Variants in SMARCAL1 observed in about 807,000 individuals in gnomAD.
SMARCAL1 encodes the protein ATP-driven annealing helicase.
Under a neutral mutation model 94.5 loss-of-function variants are expected in SMARCAL1, and 58 were observed. The ratio of observed to expected loss-of-function variants is 0.61; its 90% CI spans 0.50 to 0.76. The LOEUF (loss-of-function observed/expected upper bound fraction) is 0.76, where lower values mean the gene tolerates loss of function less well. Among genes scored for constraint, SMARCAL1 ranks in the 30% least tolerant of loss-of-function variants. SMARCAL1 has a pLI of 0.00. For synonymous variants in SMARCAL1, 422 were observed against 455.1 expected (o/e 0.93, Z 0.93); for missense variants, 1,051 against 1,177.9 (o/e 0.89, Z 1.58).
chr2:216,481,878 C>A (rs1174653366), intron 17 of SMARCAL1, among the ~76,000 whole-genome samples: 1 of 152,020 alleles, frequency 6.6e-6, no homozygotes, highest in African/African-American at 2.4e-5. Flanking sequence ...GGAAAATATA[C>A]CTCTAAATTG....
At chr2:216,413,103 G>C (rs1415575878) in intron 1 of SMARCAL1, among the ~76,000 whole-genome samples, 1 of 150,318 alleles carries the variant, frequency 6.7e-6, no homozygotes, top group African/African-American at 2.5e-5. Flanking sequence ...AACTGCTAAT[G>C]GTTGGAGAAG....
chr2:216,469,252 T>G (rs1307264641), intron 14 of SMARCAL1, among the ~76,000 whole-genome samples: 1 of 151,708 alleles, frequency 6.6e-6, no homozygotes, highest in Non-Finnish European at 1.5e-5. Flanking sequence ...GCAACTTACT[T>G]TTTTCTCAGC....
At chr2:216,414,566 A>G (rs945623809) in intron 2 of SMARCAL1, 81 bp from the exon 3 acceptor site, 4 of 781,486 alleles carry the variant, frequency 5.1e-6, no homozygotes, top group South Asian at 3.2e-5. Context: ...TTTCTGGGAC[A>G]AAAGCTTGTT....
intron 8 of SMARCAL1, 144 bp downstream of exon 8, chr2:216,433,012 C>A: frequency 9.6e-7 from 1 of 1,045,116 alleles, no homozygotes; most frequent in South Asian, 1.3e-5. Context: ...AGATGAGATG[C>A]CACCTGAGGG....
chr2:216,450,932 C>A lies in SMARCAL1; in HGVS notation c.1938C>A (p.Leu646=). The A allele has an allele frequency of 6.2e-7, 1 of 1,614,196 alleles. No individual in the cohort carries two copies. Among genetic ancestry groups the A allele is most frequent in the South Asian group, 1.1e-5 (1 of 91,086 alleles). ...LLEEAVMLRR[L]KSDVLSQLPA... ...AGGAAGCAGTCATGCTGCGGCGCCTCAAGTCCGACGTCCTTTCCCAGCTGC... is the reference window on the plus strand; with the variant it reads ...AGGAAGCAGTCATGCTGCGGCGCCTAAAGTCCGACGTCCTTTCCCAGCTGC... Residue 646 remains leucine, a synonymous_variant, in exon 12 of 18, where the codon CTC becomes CTA. Coordinates refer to ENST00000357276, the MANE Select transcript of SMARCAL1 (RefSeq NM_014140.4).
chr2:216,432,441 C>G (rs1693984083), intron 7 of SMARCAL1, among the ~76,000 whole-genome samples: 1 of 152,220 alleles, frequency 6.6e-6, no homozygotes, highest in African/African-American at 2.4e-5. Flanking sequence ...AAACTTCCTT[C>G]TTTGGCCTCC....
intron 4 of SMARCAL1, among the ~76,000 whole-genome samples, chr2:216,419,032 A>G (rs1693660152): frequency 6.6e-6 from 1 of 152,152 alleles, no homozygotes; most frequent in Non-Finnish European, 1.5e-5. Flanking sequence ...CTTGATTTTA[A>G]TTGGCTGCCA....
chr2:216,431,956 G>T (rs1223371527), intron 7 of SMARCAL1, among the ~76,000 whole-genome samples: 2 of 152,072 alleles, frequency 1.3e-5, no homozygotes, highest in Non-Finnish European at 2.9e-5. Context: ...TATGCATACT[G>T]AGTACTCTCT....
At chr2:216,467,749 T>C (rs1347722106) in intron 13 of SMARCAL1, among the ~76,000 whole-genome samples, 195 bp from the exon 14 acceptor site, 1 of 152,172 alleles carries the variant, frequency 6.6e-6, no homozygotes, top group African/African-American at 2.4e-5. Flanking sequence ...GTCCCCTCCC[T>C]AAATGCTTTC....
intron 14 of SMARCAL1, among the ~76,000 whole-genome samples, chr2:216,472,663 A>G (rs908448055): frequency 4.8e-5 from 1 of 20,868 alleles, no homozygotes; most frequent in African/African-American, 1.5e-4. Context: ...TCCCAGTAGG[A>G]AAAAAAAAAA....
rs536907511 is a variant in SMARCAL1 at position 216,468,297 on chromosome 2, G to C, written c.2244+251G>C. ...CTTGCTTTAGGAACATCTCCCAGGG[G>C]CTGTTCCATTATTCTGCATAAATAA... On this transcript the variant is annotated intron_variant, in intron 14 of 17. Transcript: ENST00000357276. 3.3e-5 allele frequency among the ~76,000 whole-genome samples: 5 copies of C among 152,322 alleles called. No homozygotes were observed. In the South Asian group the frequency reaches 1.0e-3, roughly 32 times the overall value.
At position 216,428,615 on chromosome 2, in the gene SMARCAL1, C is replaced by G. The variant is rs1333070780; in HGVS notation, c.1167C>G (p.Leu389=). The change falls in exon 7 of 18, where the codon CTC becomes CTG. Residue 389 remains leucine (L), a synonymous_variant. Transcript: ENST00000357276. ...TTTCAGTTGCAAAGGTGCGCTGCCT[C>G]CCACAAGTTCAGCTGGACCCTCTGC... ...HSKLIAKVRC[L]PQVQLDPLPT... 1 of 1,613,978 alleles carries G rather than the reference C, an allele frequency of 6.2e-7. No individual in the cohort carries two copies. Among genetic ancestry groups the G allele is most frequent in the South Asian group, 1.1e-5 (1 of 91,070 alleles).
chr2:216,466,793 G>A (rs1022216949), intron 13 of SMARCAL1, among the ~76,000 whole-genome samples: 2 of 152,106 alleles, frequency 1.3e-5, no homozygotes, highest in African/African-American at 4.8e-5. Flanking sequence ...CAAATTTTAT[G>A]TCTCTCAAAA....
At chr2:216,424,227 T>G (rs1290858258) in intron 6 of SMARCAL1, among the ~76,000 whole-genome samples, 1 of 152,186 alleles carries the variant, frequency 6.6e-6, no homozygotes, top group Non-Finnish European at 1.5e-5. Flanking sequence ...TGTGTACAGA[T>G]AGCATAAGTG....
intron 12 of SMARCAL1, among the ~76,000 whole-genome samples, chr2:216,455,307 C>T (rs1400976607): frequency 6.6e-6 from 1 of 152,220 alleles, no homozygotes; most frequent in East Asian, 1.9e-4. Flanking sequence ...CAGCAGAAAC[C>T]TCTGCAGACT....
At chr2:216,448,652 T>C (rs959771930) in intron 11 of SMARCAL1, among the ~76,000 whole-genome samples, 8 of 152,100 alleles carry the variant, frequency 5.3e-5, no homozygotes, top group Non-Finnish European at 1.0e-4. Context: ...GCTTGTTGGA[T>C]TGTGACTATC....
chr2:216,482,983 G>T lies in SMARCAL1; in HGVS notation c.*6G>T, dbSNP rs746785020. The T allele has an allele frequency of 1.2e-6, 2 of 1,608,878 alleles. No individual in the cohort carries two copies. Among genetic ancestry groups the T allele is most frequent in the Non-Finnish European group, 1.7e-6 (2 of 1,178,662 alleles). ...GCTTTACGTCTCCCCTGTAAAAGGG[G>T]CAAAAAGAAAAAAATAAAAAGCATT... On this transcript the variant is annotated 3_prime_UTR_variant, in exon 18 of 18. Coordinates refer to ENST00000357276, the MANE Select transcript of SMARCAL1 (RefSeq NM_014140.4). This position sits in a 1 kb window ranked among gnomAD's most constrained non-coding sequence, Gnocchi z 4.3.
At chr2:216,461,006 A>G (rs1364492249) in intron 12 of SMARCAL1, among the ~76,000 whole-genome samples, 1 of 151,932 alleles carries the variant, frequency 6.6e-6, no homozygotes, top group Non-Finnish European at 1.5e-5. Flanking sequence ...AACCAGATTA[A>G]GGAATGGTAT....
At chr2:216,463,431 C>T (rs1299634939) in intron 12 of SMARCAL1, among the ~76,000 whole-genome samples, 1 of 152,198 alleles carries the variant, frequency 6.6e-6, no homozygotes, top group Admixed American at 6.5e-5. Flanking sequence ...AACAAAGAGG[C>T]TCTCTGTCCT....
Sources: gnomAD v4.1 joint callset for allele counts (sites outside exome capture counted in the v4.1 genomes callset) on GRCh38, gnomAD v4.1.1 for gene constraint, Gnocchi (gnomAD v3.1) non-coding constraint, MANE v1.5 for transcripts, NCBI Gene and HGNC (gene_info 2026-07-23, HGNC 2026-07-21) for gene names.